The following PGK1 variants were observed in gnomAD, a reference collection of about 807,000 sequenced individuals.
The protein encoded by PGK1 is phosphoglycerate kinase 1.
A neutral mutation model predicts 26.9 loss-of-function variants in PGK1; 3 were observed. That is an observed-to-expected ratio of 0.11 (90% confidence interval 0.05 to 0.29). PGK1 has a LOEUF of 0.29. Among genes scored for constraint, PGK1 ranks in the 10% least tolerant of loss-of-function variants. PGK1 has a pLI of 1.00. For synonymous variants in PGK1, 125 were observed against 115.3 expected (o/e 1.08, Z -0.54); for missense variants, 270 against 314.7 (o/e 0.86, Z 1.07).
chrX:78,110,858 G>T (rs1219692761), intron 2 of PGK1, among the ~76,000 whole-genome samples: 2 of 110,075 alleles, frequency 1.8e-5, no homozygotes, highest in Non-Finnish European at 3.8e-5. Flanking sequence ...CAGTGTCTTG[G>T]ATCCTAGATT....
In PGK1 at chrX:78,113,735, T is replaced by C; in HGVS notation, c.117-9T>C. 8.3e-7 allele frequency: 1 copy of C among 1,208,070 alleles called. No individual in the cohort carries two copies. Among genetic ancestry groups the C allele is most frequent in the South Asian group, 1.8e-5 (1 of 56,850 alleles). On this transcript the variant is annotated splice_polypyrimidine_tract_variant and intron_variant, in intron 2 of 10. Coordinates refer to ENST00000373316, the MANE Select transcript of PGK1 (RefSeq NM_000291.4). ...CTTCATTCTGTTTGTTGTCTCTCTT[T>C]GGTTGCAGGATTAAGGCTGCTGTCC... is the stretch of plus-strand genomic sequence containing the variant.
In PGK1 at chrX:78,109,966, C is replaced by T. The variant is rs373135293; in HGVS notation, c.116+49C>T. ...GCTGGGTTTAAGATGTGTGTAGGTA[C>T]ACAGGATGAAATGTTTTTCCTTTCA... On this transcript the variant is annotated intron_variant, in intron 2 of 10. Transcript: ENST00000373316. 5.9e-4 allele frequency: 471 copies of T among 801,107 alleles called. No individual in the cohort carries two copies. In the African/African-American group the frequency reaches 7.8e-3, roughly 13 times the overall value. 66.0% of individuals were successfully genotyped at this position (801,107 alleles called of 1,213,427 possible). A position where few individuals can be genotyped will look rare whatever the true frequency, so the allele number is the denominator to read the frequency against.
chrX:78,124,862 T>A lies in PGK1; in HGVS notation c.937-12T>A. On this transcript the variant is annotated splice_polypyrimidine_tract_variant and intron_variant, in intron 8 of 10. Transcript: ENST00000373316. ...TTGATAGCTCATCTTCTCTTTCACCTCTACCCCTCAGGGCTTGGACTGTGG... is the reference window on the plus strand; with the variant it reads ...TTGATAGCTCATCTTCTCTTTCACCACTACCCCTCAGGGCTTGGACTGTGG... The A allele has an allele frequency of 8.3e-7, 1 of 1,202,696 alleles. No individual in the cohort carries two copies. Among genetic ancestry groups the A allele is most frequent in the African/African-American group, 1.7e-5 (1 of 57,588 alleles).
chrX:78,112,128 CG>C (rs1569550790), intron 2 of PGK1, among the ~76,000 whole-genome samples: 1 of 111,897 alleles, frequency 8.9e-6, no homozygotes, highest in African/African-American at 3.2e-5. Flanking sequence ...CATTGTTCCC[CG>C]GTCATTTTTG....
At chrX:78,111,022 T>TA (rs1418754135) in intron 2 of PGK1, among the ~76,000 whole-genome samples, 2 of 110,002 alleles carry the variant, frequency 1.8e-5, no homozygotes, top group African/African-American at 6.6e-5. Context: ...GATATTTTGA[T>TA]AAAAGCATGC....
At chrX:78,123,811 G>A (rs2078369066) in intron 8 of PGK1, among the ~76,000 whole-genome samples, 1 of 110,782 alleles carries the variant, frequency 9.0e-6, no homozygotes, top group Non-Finnish European at 1.9e-5. Flanking sequence ...GTTTCACCAT[G>A]TTGGTCAGGA....
At chrX:78,114,621 G>A (rs893396792) in intron 4 of PGK1, among the ~76,000 whole-genome samples, 6 of 100,386 alleles carry the variant, frequency 6.0e-5, no homozygotes, top group Non-Finnish European at 4.0e-5. Context: ...GCAGTCATAC[G>A]ATTAAAGTTA....
At chrX:78,110,366 C>T (rs2078294340) in intron 2 of PGK1, among the ~76,000 whole-genome samples, 1 of 109,454 alleles carries the variant, frequency 9.1e-6, no homozygotes, top group Admixed American at 9.6e-5. Context: ...CACTATGTTG[C>T]CTAGGCTGTT....
At chrX:78,124,547 A>G (rs1387960333) in intron 8 of PGK1, among the ~76,000 whole-genome samples, 7 of 111,457 alleles carry the variant, frequency 6.3e-5, no homozygotes, top group African/African-American at 2.3e-4. Context: ...TGCAACAACA[A>G]TATTTCTAGA....
chrX:78,117,602 T>A (rs1166669539), intron 5 of PGK1, among the ~76,000 whole-genome samples, 187 bp downstream of exon 5: 4 of 112,545 alleles, frequency 3.6e-5, no homozygotes, highest in Non-Finnish European at 7.5e-5. Context: ...GGTAAAAAAA[T>A]GTTGGTAATT....
chrX:78,126,033 C>T lies in PGK1; in HGVS notation c.*203C>T, dbSNP rs1557248662. ...GGATTTGCATACATTCTTCAAGATCCCATTTGAATTTTTTAGTGACTAAAC... is the reference window on the plus strand; with the variant it reads ...GGATTTGCATACATTCTTCAAGATCTCATTTGAATTTTTTAGTGACTAAAC... On this transcript the variant is annotated 3_prime_UTR_variant, in exon 11 of 11. Coordinates refer to ENST00000373316, the MANE Select transcript of PGK1 (RefSeq NM_000291.4). 4.3e-6 allele frequency: 2 copies of T among 464,346 alleles called. No homozygotes were observed. The highest frequency in any genetic ancestry group is 3.8e-6 in the Non-Finnish European group (1 of 262,721). The allele number at this position is 464,346 out of a possible 1,213,427, so 38.3% of individuals were successfully genotyped here. A position where few individuals can be genotyped will look rare whatever the true frequency, so the allele number is the denominator to read the frequency against.
intron 6 of PGK1, among the ~76,000 whole-genome samples, chrX:78,120,325 G>C (rs1239716951): frequency 8.0e-5 from 8 of 99,939 alleles, no homozygotes. Context: ...GTTTTGTCAG[G>C]AATGTACACA....
intron 1 of PGK1, chrX:78,106,526 G>A (rs1308407943): frequency 3.6e-5 from 27 of 752,613 alleles, no homozygotes; most frequent in Admixed American, 8.8e-5. Flanking sequence ...TTTCAACGTG[G>A]TGGTTGCTGG....
chrX:78,123,776 T>C (rs1557248330), intron 8 of PGK1, among the ~76,000 whole-genome samples: 1 of 110,226 alleles, frequency 9.1e-6, no homozygotes, highest in East Asian at 2.9e-4. Flanking sequence ...GCCCAGCTAA[T>C]TTTTGTATTT....
chrX:78,107,504 G>A, intron 1 of PGK1, among the ~76,000 whole-genome samples: 1 of 111,719 alleles, frequency 9.0e-6, no homozygotes, highest in Non-Finnish European at 1.9e-5. Flanking sequence ...TAACCTTTTG[G>A]GATTAACTTT....
intron 2 of PGK1, among the ~76,000 whole-genome samples, chrX:78,110,239 A>G (rs1332768865): frequency 9.1e-6 from 1 of 110,076 alleles, no homozygotes. Flanking sequence ...TGCAGCCTTA[A>G]CCTTCTGGGC....
intron 1 of PGK1, among the ~76,000 whole-genome samples, chrX:78,104,803 G>T (rs1321756389): frequency 1.8e-5 from 2 of 111,668 alleles, no homozygotes; most frequent in Non-Finnish European, 3.8e-5. Context: ...CTTCCCCCAC[G>T]CTCCTAGACC....
intron 1 of PGK1, chrX:78,106,678 T>C: frequency 1.4e-6 from 1 of 738,238 alleles, no homozygotes; most frequent in Non-Finnish European, 1.6e-6. Flanking sequence ...TGAGGTAACA[T>C]GGGATAGCCA....
intron 2 of PGK1, among the ~76,000 whole-genome samples, chrX:78,112,710 A>G (rs1557246981): frequency 8.9e-6 from 1 of 112,057 alleles, no homozygotes; most frequent in African/African-American, 3.2e-5. Flanking sequence ...AAGATCACCC[A>G]CATATCTCAT....
Sources: gnomAD v4.1 joint callset for allele counts (sites outside exome capture counted in the v4.1 genomes callset) on GRCh38, gnomAD v4.1.1 for gene constraint, MANE v1.5 for transcripts, NCBI Gene and HGNC (gene_info 2026-07-23, HGNC 2026-07-21) for gene names.